EXOC4: variants seen among roughly 807,000 people sequenced by gnomAD.
The protein encoded by EXOC4 is exocyst complex component 4, also known as SEC8-like 1.
A neutral mutation model predicts 107.2 loss-of-function variants in EXOC4; 71 were observed. The observed-to-expected ratio is 0.66, with a 90% CI of 0.55 to 0.81. The LOEUF is 0.81. EXOC4 is among the 30% of genes least tolerant of loss of function. EXOC4 has a pLI of 0.00. For synonymous variants in EXOC4, 456 were observed against 441.2 expected (o/e 1.03, Z -0.42); for missense variants, 1,108 against 1,189.6 (o/e 0.93, Z 1.01).
At chr7:133,936,799 G>A (rs1436729971) in intron 13 of EXOC4, among the ~76,000 whole-genome samples, 1 of 151,978 alleles carries the variant, frequency 6.6e-6, no homozygotes, top group Admixed American at 6.6e-5. Context: ...AGCTGTGGCT[G>A]TAGGTGCATG....
At chr7:133,824,833 A>G (rs190318846) in intron 11 of EXOC4, among the ~76,000 whole-genome samples, 3 of 152,130 alleles carry the variant, frequency 2.0e-5, no homozygotes, top group African/African-American at 7.2e-5. Context: ...TCTTGTAAGG[A>G]TACTTTCATT....
chr7:133,524,955 C>G (rs1436518173), intron 9 of EXOC4, among the ~76,000 whole-genome samples: 3 of 152,126 alleles, frequency 2.0e-5, no homozygotes, highest in Non-Finnish European at 2.9e-5. Context: ...ATTATAAAGA[C>G]TCTAGGTTGT....
intron 7 of EXOC4, among the ~76,000 whole-genome samples, chr7:133,418,663 T>C (rs1584901522): frequency 6.6e-6 from 1 of 152,180 alleles, no homozygotes; most frequent in Non-Finnish European, 1.5e-5. Context: ...CTGCTGTAGC[T>C]GTCACCCCTA....
intron 9 of EXOC4, among the ~76,000 whole-genome samples, chr7:133,624,444 A>G (rs1563130846): frequency 6.6e-6 from 1 of 152,254 alleles, no homozygotes; most frequent in East Asian, 1.9e-4. Flanking sequence ...TGAACCAGGT[A>G]TGGTGGTGTG....
At chr7:133,732,427 A>G (rs192961300) in intron 10 of EXOC4, 8 of 152,524 alleles carry the variant, frequency 5.2e-5, no homozygotes, top group Admixed American at 3.3e-4. Flanking sequence ...TATGTAACCA[A>G]CCTGCACATT....
intron 10 of EXOC4, among the ~76,000 whole-genome samples, chr7:133,737,157 CT>C (rs1263279173): frequency 2.6e-5 from 4 of 152,170 alleles, no homozygotes; most frequent in African/African-American, 9.7e-5. Context: ...AGTAGCTGGT[CT>C]TTACTATGTA....
intron 17 of EXOC4, among the ~76,000 whole-genome samples, chr7:134,052,212 A>G (rs1002118813): frequency 2.4e-4 from 37 of 152,170 alleles, no homozygotes; most frequent in South Asian, 2.1e-4. Flanking sequence ...GAGGGGAGAG[A>G]TGGAGTGGAC....
At chr7:134,011,022 C>T (rs1794750927) in intron 17 of EXOC4, among the ~76,000 whole-genome samples, 1 of 152,192 alleles carries the variant, frequency 6.6e-6, no homozygotes, top group African/African-American at 2.4e-5. Context: ...CCTCTGTCCT[C>T]TATGGTAATG....
At chr7:133,914,895 A>G (rs371735007) in intron 12 of EXOC4, among the ~76,000 whole-genome samples, 7 of 152,234 alleles carry the variant, frequency 4.6e-5, no homozygotes, top group African/African-American at 2.4e-5. Flanking sequence ...ACCAAAGAAT[A>G]TAAAGCCACT....
intron 13 of EXOC4, among the ~76,000 whole-genome samples, chr7:133,925,189 A>G (rs1267971219): frequency 6.6e-6 from 1 of 152,212 alleles, no homozygotes; most frequent in Non-Finnish European, 1.5e-5. Flanking sequence ...TGCCCTTTGC[A>G]TTGAATAAAG....
intron 10 of EXOC4, among the ~76,000 whole-genome samples, chr7:133,739,222 TTG>T (rs72444310): frequency 0.042 from 5,970 of 142,216 alleles, 131 homozygotes; most frequent in East Asian, 0.089. Context: ...GTAGAGGGGT[TTG>T]TGTGTGTGTG....
At chr7:133,827,003 G>A (rs1797719237) in intron 11 of EXOC4, among the ~76,000 whole-genome samples, 1 of 152,112 alleles carries the variant, frequency 6.6e-6, no homozygotes, top group Non-Finnish European at 1.5e-5. Flanking sequence ...CCTTACCATG[G>A]TGCTGTTCCC....
chr7:133,859,870 C>T (rs950790027), intron 11 of EXOC4, among the ~76,000 whole-genome samples: 41 of 152,020 alleles, frequency 2.7e-4, no homozygotes, highest in African/African-American at 8.5e-4. Flanking sequence ...GTGTAATAGT[C>T]GATGTTGCTA....
chr7:134,044,776 T>C (rs564117364), intron 17 of EXOC4, among the ~76,000 whole-genome samples: 1 of 152,372 alleles, frequency 6.6e-6, no homozygotes, highest in South Asian at 2.1e-4. Flanking sequence ...CAGACACTTA[T>C]ATTCACATAG....
chr7:133,259,232 C>CTTT (rs1160021022), intron 1 of EXOC4, among the ~76,000 whole-genome samples: 1 of 129,564 alleles, frequency 7.7e-6, no homozygotes, highest in African/African-American at 2.8e-5. Flanking sequence ...AGTTTAATTT[C>CTTT]TTTTTTTTTT....
At chr7:133,787,468 A>C (rs988618036) in intron 10 of EXOC4, among the ~76,000 whole-genome samples, 25 of 151,802 alleles carry the variant, frequency 1.6e-4, no homozygotes, top group African/African-American at 5.8e-4. Context: ...TAATCCCTCA[A>C]CATATAGGTG....
intron 5 of EXOC4, among the ~76,000 whole-genome samples, chr7:133,338,454 G>A (rs1187083867): frequency 4.0e-5 from 6 of 149,036 alleles, no homozygotes; most frequent in Admixed American, 6.7e-5. Context: ...TTAGCCGGGC[G>A]CGGTGGCGGG....
At chr7:133,604,710 C>CTTTTTTTTTTTTTTTTTTTTTTT (rs61548710) in intron 9 of EXOC4, among the ~76,000 whole-genome samples, 2 of 50,268 alleles carry the variant, frequency 4.0e-5, no homozygotes, top group Non-Finnish European at 6.9e-5. Flanking sequence ...TTCCTTCTTT[C>CTTTTTTTTTTTTTTTTTTTTTTT]TTTTTTTTTT....
At position 133,317,351 on chromosome 7, in the gene EXOC4, C is replaced by T. The variant is rs770179415; in HGVS notation, c.724C>T (p.Leu242Phe). 1 of 1,612,822 alleles carries T rather than the reference C, an allele frequency of 6.2e-7. No homozygotes were observed. The highest frequency in any genetic ancestry group is 8.5e-7 in the Non-Finnish European group (1 of 1,178,866). ...VTNLPTPRKFLDTSHYSTAGS... is the reference protein window; with the variant it reads ...VTNLPTPRKFFDTSHYSTAGS... ...AAACCTCCCTACTCCTCGAAAATTC[C>T]TTGATACCTCTCACTATTCTACTGC... The change falls in exon 5 of 18, where the codon CTT becomes TTT. Residue 242 changes from leucine (L) to phenylalanine (F), a missense_variant. Transcript: ENST00000253861.
Sources: allele counts gnomAD v4.1 joint callset (sites outside exome capture counted in the v4.1 genomes callset), GRCh38; gene constraint gnomAD v4.1.1; transcripts MANE v1.5; gene names NCBI Gene and HGNC (gene_info 2026-07-23, HGNC 2026-07-21).